Variants in TBCK observed in about 807,000 individuals in gnomAD.
The protein encoded by TBCK is TBC domain-containing protein kinase-like protein.
A neutral mutation model predicts 113.4 loss-of-function variants in TBCK; 99 were observed. The observed-to-expected ratio is 0.87, with a 90% CI of 0.74 to 1.03. The LOEUF (loss-of-function observed/expected upper bound fraction) is 1.03. TBCK is among the 50% of genes least tolerant of loss of function. The pLI, the probability that TBCK is intolerant of heterozygous loss-of-function variation, is 0.00. For missense variants in TBCK, 1,045 were observed against 1,061.3 expected (o/e 0.98, Z 0.21); for synonymous variants, 369 against 370.8 (o/e 1.00, Z 0.05).
chr4:106,176,357 C>G (rs923360023), intron 22 of TBCK, among the ~76,000 whole-genome samples: 1 of 152,004 alleles, frequency 6.6e-6, no homozygotes, highest in Non-Finnish European at 1.5e-5. Flanking sequence ...CCTCTAGCAA[C>G]TATCAATCTA....
intron 23 of TBCK, 108 bp from the exon 24 acceptor site, chr4:106,116,486 AG>A (rs1183755415): frequency 2.2e-6 from 2 of 915,612 alleles, no homozygotes; most frequent in Non-Finnish European, 3.2e-6. Flanking sequence ...ATAAGAGAAG[AG>A]GAAACTATCT....
intron 1 of TBCK, among the ~76,000 whole-genome samples, chr4:106,315,135 G>C (rs76646977): frequency 0.014 from 2,096 of 151,936 alleles, 23 homozygotes; most frequent in Middle Eastern, 0.045. Flanking sequence ...AAAACTACCG[G>C]GGGAAAAAAA....
In TBCK at chr4:106,260,500, T is replaced by G. The variant is rs910776688; in HGVS notation, c.392A>C (p.Lys131Thr). Residue 131 changes from lysine to threonine, a missense_variant, in exon 5 of 26, where the codon AAA (lysine) becomes ACA (threonine). Physicochemically the swap from Lys to Thr is moderately conservative, Grantham distance 78. Coordinates refer to ENST00000394708, the MANE Select transcript of TBCK (RefSeq NM_001163435.3). ...GTGATAAAGTCCAAATTTAGCCAAT[T>G]TAATATGTCCCTATGATAATAAAGA... ...NILLDRKGHIKLAKFGLYHMT... is the reference protein window; with the variant it reads ...NILLDRKGHITLAKFGLYHMT... The G allele has an allele frequency of 7.6e-7, 1 of 1,307,926 alleles. No individual in the cohort carries two copies. The highest frequency in any genetic ancestry group is 1.5e-5 in the African/African-American group (1 of 66,784). The allele number at this position is 1,307,926 out of a possible 1,614,324, so 81.0% of individuals were successfully genotyped here.
chr4:106,150,670 C>G (rs1343999329), intron 23 of TBCK, among the ~76,000 whole-genome samples: 1 of 151,982 alleles, frequency 6.6e-6, no homozygotes, highest in Non-Finnish European at 1.5e-5. Flanking sequence ...CAGGGGTGAA[C>G]AAGATCCAAT....
chr4:106,174,323 A>C lies in TBCK; in HGVS notation c.2060-3053T>G, dbSNP rs989863067. ...CAGCTACAAAGAAAGAGTACACAGGAGGTAAACTATTCAAAAACCTTCAAT... is the reference window on the plus strand; with the variant it reads ...CAGCTACAAAGAAAGAGTACACAGGCGGTAAACTATTCAAAAACCTTCAAT... On this transcript the variant is annotated intron_variant, in intron 22 of 25. Transcript: ENST00000394708. 5.3e-5 allele frequency among the ~76,000 whole-genome samples: 8 copies of C among 152,128 alleles called. 1 individual carries two copies. The highest frequency in any genetic ancestry group is 1.2e-4 in the Non-Finnish European group (8 of 68,000).
Position 106,041,968 on chromosome 4 carries a change from A to C in TBCK, c.*4602T>G, listed in dbSNP as rs1733899338. ...CTGTTTCTAATATTGTATGAGATAA[A>C]ACTGGATTACAAAACCTAAAGGTTG... On this transcript the variant is annotated 3_prime_UTR_variant, in exon 26 of 26. Coordinates refer to ENST00000394708, the MANE Select transcript of TBCK (RefSeq NM_001163435.3). The C allele has an allele frequency of 6.6e-6, 1 of 152,212 alleles. No homozygotes were observed. The highest frequency in any genetic ancestry group is 1.5e-5 in the Non-Finnish European group (1 of 68,024). 9.4% of individuals were successfully genotyped at this position (152,212 alleles called of 1,614,324 possible). A position where few individuals can be genotyped will look rare whatever the true frequency, so the allele number is the denominator to read the frequency against.
intron 25 of TBCK, among the ~76,000 whole-genome samples, chr4:106,064,977 T>C (rs1469270026): frequency 1.3e-5 from 2 of 152,008 alleles, no homozygotes; most frequent in Admixed American, 6.6e-5. Flanking sequence ...ATGGATTCAC[T>C]ATGGAGTTTT....
intron 3 of TBCK, among the ~76,000 whole-genome samples, chr4:106,292,499 G>A (rs1030167442): frequency 6.6e-6 from 1 of 151,804 alleles, no homozygotes; most frequent in African/African-American, 2.4e-5. Context: ...GAACCCGGGA[G>A]GAGGAGCTTG....
chr4:106,111,475 A>G, intron 24 of TBCK, among the ~76,000 whole-genome samples: 1 of 152,232 alleles, frequency 6.6e-6, no homozygotes, highest in East Asian at 1.9e-4. Context: ...CCAGCTATCA[A>G]TAATGAAAGG....
intron 20 of TBCK, among the ~76,000 whole-genome samples, chr4:106,197,275 A>C (rs1754335456): frequency 6.6e-6 from 1 of 151,772 alleles, no homozygotes; most frequent in Non-Finnish European, 1.5e-5. Flanking sequence ...CCAGAGAGAG[A>C]GATGCATAGA....
At position 106,185,064 on chromosome 4, in the gene TBCK, A is replaced by C. The variant is rs1012592941; in HGVS notation, c.2059+8545T>G. On this transcript the variant is annotated intron_variant, in intron 22 of 25. Transcript: ENST00000394708. ...TTACACTTCACGGTGAATCAGAACA[A>C]AACAGGAGTCTTTGATTTTTGTGGC... 2.0e-5 allele frequency among the ~76,000 whole-genome samples: 3 copies of C among 152,144 alleles called. No individual in the cohort carries two copies. The South Asian group carries it at 6.2e-4, about 32-fold the overall frequency.
chr4:106,135,435 C>T (rs1254387237), intron 23 of TBCK, among the ~76,000 whole-genome samples: 1 of 96,614 alleles, frequency 1.0e-5, no homozygotes, highest in Non-Finnish European at 2.7e-5. Context: ...GGAGAATGTA[C>T]ACTTAACCAC....
At position 106,266,496 on chromosome 4, in the gene TBCK, T is replaced by C. The variant is rs72893618; in HGVS notation, c.267-4284A>G. The stretch of plus-strand genomic sequence containing the variant: ...GAAACTACTGAACACATAGACTGCA[T>C]TTTCTACTCTCTATACTGTGCTTTT... On this transcript the variant is annotated intron_variant, in intron 3 of 25. Transcript: ENST00000394708. Among the ~76,000 whole-genome samples, 226 of 152,008 alleles carry C rather than the reference T, an allele frequency of 1.5e-3. 2 individuals carry two copies. Among genetic ancestry groups the C allele is most frequent in the African/African-American group, 5.0e-3 (209 of 41,538 alleles).
chr4:106,132,425 CTGCACAGAAG>C (rs1296042935), intron 23 of TBCK, among the ~76,000 whole-genome samples: 1 of 152,260 alleles, frequency 6.6e-6, no homozygotes, highest in Non-Finnish European at 1.5e-5. Flanking sequence ...TGGGCCTGTG[CTGCACAGAAG>C]TGCACAGAAG....
chr4:106,220,765 G>A (rs1040797448), intron 19 of TBCK, among the ~76,000 whole-genome samples: 2 of 152,150 alleles, frequency 1.3e-5, no homozygotes, highest in Admixed American at 6.5e-5. Flanking sequence ...AGATCAAAGT[G>A]AAGACCCAAA....
intron 25 of TBCK, among the ~76,000 whole-genome samples, chr4:106,068,791 G>T (rs796256004): frequency 1.3e-5 from 2 of 152,138 alleles, no homozygotes; most frequent in East Asian, 3.9e-4. Context: ...ATTTCTCCAC[G>T]TCCTCTCCAG....
chr4:106,204,117 C>G (rs1755184971), intron 20 of TBCK, among the ~76,000 whole-genome samples: 1 of 152,110 alleles, frequency 6.6e-6, no homozygotes, highest in Admixed American at 6.5e-5. Context: ...AACAATACCC[C>G]TTAACAATTA....
intron 5 of TBCK, among the ~76,000 whole-genome samples, chr4:106,254,351 C>T (rs984444029): frequency 6.6e-6 from 1 of 152,158 alleles, no homozygotes; most frequent in South Asian, 2.1e-4. Flanking sequence ...GCAAACATTG[C>T]TAGCAGGACT....
chr4:106,070,049 A>T (rs1346853505), intron 25 of TBCK, among the ~76,000 whole-genome samples: 1 of 151,922 alleles, frequency 6.6e-6, no homozygotes, highest in Non-Finnish European at 1.5e-5. Context: ...GGCTGAGACG[A>T]TGGGGTTTTC....
Sources: gnomAD v4.1 joint callset for allele counts (sites outside exome capture counted in the v4.1 genomes callset) on GRCh38, gnomAD v4.1.1 for gene constraint, MANE v1.5 for transcripts, NCBI Gene and HGNC (gene_info 2026-07-23, HGNC 2026-07-21) for gene names.